PHYHIPL: variants seen among roughly 807,000 people sequenced by gnomAD.
The protein encoded by PHYHIPL is phytanoyl-CoA 2-hydroxylase interacting protein like.
In PHYHIPL, 9 loss-of-function variants were observed where a neutral mutation model predicts 33.4. The observed-to-expected ratio is 0.27, with a 90% confidence interval of 0.16 to 0.47. The LOEUF (loss-of-function observed/expected upper bound fraction) is 0.47. Ranked by LOEUF, PHYHIPL falls within the 20% of genes least tolerant of loss-of-function variation. PHYHIPL has a pLI of 0.99. For synonymous variants in PHYHIPL, 153 were observed against 154.1 expected (o/e 0.99, Z 0.05); for missense variants, 365 against 460.7 (o/e 0.79, Z 1.90).
At chr10:59,232,279 AT>A (rs905738042) in intron 1 of PHYHIPL, among the ~76,000 whole-genome samples, 2 of 152,044 alleles carry the variant, frequency 1.3e-5, no homozygotes, top group Non-Finnish European at 2.9e-5. Context: ...ATAAAAGTTA[AT>A]CTAGTGGTTT....
intron 1 of PHYHIPL, among the ~76,000 whole-genome samples, chr10:59,209,193 C>G (rs1839373974): frequency 6.6e-6 from 1 of 152,116 alleles, no homozygotes; most frequent in Non-Finnish European, 1.5e-5. Context: ...GTTGGGTTAC[C>G]CACAAAGGGA....
Position 59,246,252 on chromosome 10 carries a change from A to AGAT in PHYHIPL, c.*663_*665dup, listed in dbSNP as rs1237146092. 1 of 157,790 alleles carries AGAT rather than the reference A, an allele frequency of 6.3e-6. No homozygotes were observed. Among genetic ancestry groups the AGAT allele is most frequent in the Non-Finnish European group, 1.4e-5 (1 of 71,646 alleles). 9.8% of individuals were successfully genotyped at this position (157,790 alleles called of 1,614,324 possible). A position where few individuals can be genotyped will look rare whatever the true frequency, so the allele number is the denominator to read the frequency against. On this transcript the variant is annotated 3_prime_UTR_variant, in exon 5 of 5. Transcript: ENST00000373880. The stretch of plus-strand genomic sequence containing the variant: ...GTCACGAAACCATTTCCCTTATCAA[A>AGAT]GATGTAATTTGTAAACCTCAAATAG...
intron 1 of PHYHIPL, among the ~76,000 whole-genome samples, chr10:59,180,359 T>TATATACAC (rs1564698961): frequency 8.9e-6 from 1 of 112,568 alleles, no homozygotes; most frequent in African/African-American, 3.3e-5. Flanking sequence ...TATATATATA[T>TATATACAC]ATACTTTTTC....
At chr10:59,195,180 TTAA>T (rs150447442) in intron 1 of PHYHIPL, among the ~76,000 whole-genome samples, 14,058 of 152,252 alleles carry the variant, frequency 0.092, 830 homozygotes, top group South Asian at 0.2. Context: ...TTAATTGCTT[TTAA>T]AATGACTTTT....
intron 1 of PHYHIPL, among the ~76,000 whole-genome samples, chr10:59,205,022 AT>A (rs2133226715): frequency 6.6e-6 from 1 of 151,826 alleles, no homozygotes; most frequent in East Asian, 1.9e-4. Context: ...CTATCACCTA[AT>A]TTTGTATTTT....
intron 4 of PHYHIPL, among the ~76,000 whole-genome samples, chr10:59,240,959 TC>T (rs1400328933): frequency 1.3e-5 from 2 of 152,122 alleles, no homozygotes; most frequent in Non-Finnish European, 2.9e-5. Context: ...ATGATTTTAC[TC>T]CCAGCTACCA....
intron 1 of PHYHIPL, among the ~76,000 whole-genome samples, chr10:59,184,564 A>G (rs541280571): frequency 1.4e-3 from 208 of 152,248 alleles, no homozygotes; most frequent in African/African-American, 4.9e-3. Context: ...GTATGGAGTC[A>G]GTCAGAGATG....
rs1211587081 is a variant in PHYHIPL, at chr10:59,236,563, T to G, written c.384T>G (p.Thr128=). ...VRGHWFLSPR[T]EYTVAVQTAS... is the part of the protein sequence containing the mutation. The stretch of plus-strand genomic sequence containing the variant: ...GACACTGGTTTTTAAGCCCAAGAAC[T>G]GAATATACAGTAGCAGTGCAGACTG... The change falls in exon 3 of 5, where the codon ACT becomes ACG. Residue 128 remains threonine (T), a synonymous_variant. Transcript: ENST00000373880. 6.2e-7 allele frequency: 1 copy of G among 1,611,444 alleles called. No individual in the cohort carries two copies.
intron 1 of PHYHIPL, among the ~76,000 whole-genome samples, chr10:59,203,337 A>T (rs1481493502): frequency 1.3e-5 from 2 of 152,360 alleles, no homozygotes; most frequent in African/African-American, 4.8e-5. Flanking sequence ...AACTAGTTCA[A>T]CCATTGTGGG....
intron 3 of PHYHIPL, among the ~76,000 whole-genome samples, chr10:59,237,622 A>G (rs1470889762): frequency 2.6e-5 from 4 of 151,920 alleles, no homozygotes; most frequent in African/African-American, 4.8e-5. Flanking sequence ...TAATCTGAAC[A>G]TCGAATTCAT....
chr10:59,192,574 T>C (rs12250832), intron 1 of PHYHIPL, among the ~76,000 whole-genome samples: 1,595 of 152,230 alleles, frequency 0.01, 34 homozygotes, highest in African/African-American at 0.036. Context: ...TGACATCCAT[T>C]GGATGAATGA....
chr10:59,245,813 G>T lies in PHYHIPL; in HGVS notation c.*222G>T. 4.0e-6 allele frequency: 2 copies of T among 506,054 alleles called. No individual in the cohort carries two copies. Among genetic ancestry groups the T allele is most frequent in the East Asian group, 6.5e-5 (2 of 30,628 alleles). The allele number at this position is 506,054 out of a possible 1,614,324, so 31.3% of individuals were successfully genotyped here. A position where few individuals can be genotyped will look rare whatever the true frequency, so the allele number is the denominator to read the frequency against. Reference sequence around the variant, plus strand: ...TCAATGATGAAATACCCTAAGTTAAGTTCTCCTTTTGACACTTTATTGCCT... The same window carrying T: ...TCAATGATGAAATACCCTAAGTTAATTTCTCCTTTTGACACTTTATTGCCT... On this transcript the variant is annotated 3_prime_UTR_variant, in exon 5 of 5. Coordinates refer to ENST00000373880, the MANE Select transcript of PHYHIPL (RefSeq NM_032439.4).
At chr10:59,225,668 T>C (rs1232064948) in intron 1 of PHYHIPL, among the ~76,000 whole-genome samples, 1 of 152,192 alleles carries the variant, frequency 6.6e-6, no homozygotes, top group Admixed American at 6.5e-5. Context: ...ATATGAAGTT[T>C]CTTTGCTGTG....
At chr10:59,184,747 A>G (rs1439050157) in intron 1 of PHYHIPL, among the ~76,000 whole-genome samples, 4 of 151,742 alleles carry the variant, frequency 2.6e-5, no homozygotes, top group Non-Finnish European at 4.4e-5. Flanking sequence ...TGCTGCACCC[A>G]TTAACTCGTC....
intron 1 of PHYHIPL, chr10:59,219,302 T>G (rs1839698694): frequency 2.5e-6 from 2 of 804,558 alleles, no homozygotes; most frequent in African/African-American, 3.7e-5. Context: ...AGATATTCTT[T>G]ACGTAGTTTG....
chr10:59,215,029 C>T (rs904158276), intron 1 of PHYHIPL, among the ~76,000 whole-genome samples: 2 of 151,980 alleles, frequency 1.3e-5, no homozygotes, highest in African/African-American at 4.8e-5. Flanking sequence ...TCACATTACA[C>T]TCCTTTGCCT....
At chr10:59,228,313 A>G (rs900032638) in intron 1 of PHYHIPL, among the ~76,000 whole-genome samples, 2 of 152,156 alleles carry the variant, frequency 1.3e-5, no homozygotes, top group African/African-American at 4.8e-5. Context: ...CAATATGTAA[A>G]TGTTATTAAT....
At chr10:59,185,847 T>C (rs1283074387) in intron 1 of PHYHIPL, among the ~76,000 whole-genome samples, 1 of 152,194 alleles carries the variant, frequency 6.6e-6, no homozygotes, top group African/African-American at 2.4e-5. Context: ...TTGAGTTCAT[T>C]GTAGATTCTG....
intron 1 of PHYHIPL, among the ~76,000 whole-genome samples, chr10:59,228,399 T>C (rs1417364412): frequency 6.6e-6 from 1 of 152,134 alleles, no homozygotes; most frequent in Non-Finnish European, 1.5e-5. Flanking sequence ...ATTTTGAGAG[T>C]TTATTGTAAA....
Sources: gnomAD v4.1 joint callset for allele counts (sites outside exome capture counted in the v4.1 genomes callset) on GRCh38, gnomAD v4.1.1 for gene constraint, MANE v1.5 for transcripts, NCBI Gene and HGNC (gene_info 2026-07-23, HGNC 2026-07-21) for gene names.